The following HGFAC variants were observed in gnomAD, a reference collection of about 807,000 sequenced individuals.
HGFAC encodes the protein HGF activator, also known as hepatocyte growth factor activator serine protease.
Under a neutral mutation model 70.6 loss-of-function variants are expected in HGFAC, and 76 were observed. The ratio of observed to expected loss-of-function variants is 1.08; its 90% CI spans 0.89 to 1.30. The LOEUF is 1.30. Ranked by LOEUF, HGFAC falls within the 50% of genes most tolerant of loss-of-function variation. The pLI is 0.00. For missense variants in HGFAC, 1,044 were observed against 933.7 expected (o/e 1.12, Z -1.54); for synonymous variants, 464 against 405.3 (o/e 1.14, Z -1.74).
At chr4:3,445,570 GCCTCGGGGT>G (rs1381676111) in intron 9 of HGFAC, 31 of 606,410 alleles carry the variant, frequency 5.1e-5, no homozygotes, top group Non-Finnish European at 8.8e-5. Context: ...CCAGGCGACG[GCCTCGGGGT>G]GGCACCTGCC....
Position 3,443,127 on chromosome 4 carries a change from G to A in HGFAC, c.376G>A (p.Gly126Ser), listed in dbSNP as rs758358291. The change falls in exon 3 of 14, where the codon GGC becomes AGC. Residue 126 changes from glycine (G) to serine (S), a missense_variant. Gly to Ser is a moderately conservative substitution (Grantham distance 56). Transcript: ENST00000382774. ...GRMLHACTSE[G>S]SAHRKWCATT... is the part of the protein sequence containing the mutation. ...CATGCTGCATGCCTGCACTTCGGAG[G>A]GCAGTGCACACAGGAAGTGGTGGGT... The A allele has an allele frequency of 4.8e-5, 75 of 1,574,442 alleles. 1 individual carries two copies. The South Asian group carries it at 8.5e-4, about 18-fold the overall frequency.
Position 3,444,694 on chromosome 4 carries a change from G to A in HGFAC, c.802G>A (p.Ala268Thr). Residue 268 changes from alanine to threonine, a missense_variant, in exon 7 of 14, where the codon GCC becomes ACC. By Grantham distance (58) the Ala-to-Thr change is moderately conservative. Coordinates refer to ENST00000382774, the MANE Select transcript of HGFAC (RefSeq NM_001528.4). ...CGTGGCCACCGGGACCACCGTGTGTGCCTGCCCACCAGGCTTCGCTGGACG... is the reference window on the plus strand; with the variant it reads ...CGTGGCCACCGGGACCACCGTGTGTACCTGCCCACCAGGCTTCGCTGGACG... ...LIVATGTTVC[A>T]CPPGFAGRLC... The A allele has an allele frequency of 6.3e-7, 1 of 1,597,502 alleles. No homozygotes were observed. The highest frequency in any genetic ancestry group is 8.5e-7 in the Non-Finnish European group (1 of 1,178,472).
In HGFAC at chr4:3,442,611, G is replaced by C. The variant is rs765314792; in HGVS notation, c.118-121G>C. ...CTCAGGAATGTCGTGTGTCCTCCTG[G>C]AACCTGCTCCGAGATCTGGGGGCCC... On this transcript the variant is annotated intron_variant, in intron 1 of 13. Transcript: ENST00000382774. 168 of 629,534 alleles carry C rather than the reference G, an allele frequency of 2.7e-4. 1 individual carries two copies. Among genetic ancestry groups the C allele is most frequent in the Non-Finnish European group, 3.9e-4 (150 of 383,380 alleles). 39.0% of individuals were successfully genotyped at this position (629,534 alleles called of 1,614,324 possible).
rs147311320 is a variant in HGFAC, at chr4:3,447,558, G to A, written c.1422G>A (p.Thr474=). ...QHFFNRTTDV[T]QTFGIEKYIP... is the part of the protein sequence containing the mutation. Reference sequence around the variant, plus strand: ...TCTTCAACCGCACGACGGACGTGACGCAGACCTTCGGCATCGAGAAGTACA... The same window carrying A: ...TCTTCAACCGCACGACGGACGTGACACAGACCTTCGGCATCGAGAAGTACA... The change falls in exon 11 of 14, where the codon ACG becomes ACA. Residue 474 remains threonine (T), a synonymous_variant. Transcript: ENST00000382774. 4.3e-6 allele frequency: 7 copies of A among 1,612,548 alleles called. No homozygotes were observed. In the African/African-American group the frequency reaches 5.3e-5, roughly 12 times the overall value.
intron 13 of HGFAC, 50 bp from the exon 14 acceptor site, chr4:3,449,187 C>A: frequency 1.9e-6 from 3 of 1,548,104 alleles, no homozygotes; most frequent in Non-Finnish European, 2.6e-6. Context: ...AGAGGGGGGT[C>A]CCTGAACCAG....
intron 10 of HGFAC, 145 bp downstream of exon 10, chr4:3,446,439 C>G: frequency 9.8e-7 from 1 of 1,020,346 alleles, no homozygotes; most frequent in Non-Finnish European, 1.4e-6. Flanking sequence ...CCCTCTCTGA[C>G]CCCTCTGGGT....
At position 3,447,500 on chromosome 4, in the gene HGFAC, G is replaced by T; in HGVS notation, c.1364G>T (p.Arg455Met). 1.2e-6 allele frequency: 2 copies of T among 1,612,582 alleles called. No individual in the cohort carries two copies. Among genetic ancestry groups the T allele is most frequent in the South Asian group, 1.1e-5 (1 of 91,058 alleles). ...AAHCFSHSPP[R>M]DSVSVVLGQH... Reference sequence around the variant, plus strand: ...CAGCCCCCCTTGCACAGCCCCCCCAGGGACAGCGTCTCCGTGGTGCTGGGC... The same window carrying T: ...CAGCCCCCCTTGCACAGCCCCCCCATGGACAGCGTCTCCGTGGTGCTGGGC... Residue 455 changes from arginine (R) to methionine (M), a missense_variant, in exon 11 of 14, where the codon AGG becomes ATG. Physicochemically the swap from Arg to Met is moderately conservative, Grantham distance 91. Coordinates refer to ENST00000382774, the MANE Select transcript of HGFAC (RefSeq NM_001528.4).
chr4:3,443,703 G>C (rs1488576127), intron 4 of HGFAC, among the ~76,000 whole-genome samples: 1 of 152,152 alleles, frequency 6.6e-6, no homozygotes, highest in Non-Finnish European at 1.5e-5. Context: ...GGGGACAGGT[G>C]GGCAGGGTCT....
intron 9 of HGFAC, chr4:3,445,727 A>C: frequency 1.3e-6 from 1 of 773,156 alleles, no homozygotes. Flanking sequence ...CGGCGGGGCC[A>C]GCCCGGGGCT....
In HGFAC at chr4:3,447,926, C is replaced by G. The variant is rs763158231; in HGVS notation, c.1527C>G (p.Arg509=). The G allele has an allele frequency of 8.6e-5, 138 of 1,609,594 alleles. No homozygotes were observed. Among genetic ancestry groups the G allele is most frequent in the Middle Eastern group, 6.6e-4 (4 of 6,056 alleles). Residue 509 remains arginine, a synonymous_variant, in exon 12 of 14, where the codon CGC becomes CGG. Coordinates refer to ENST00000382774, the MANE Select transcript of HGFAC (RefSeq NM_001528.4). ...TCCGGCTGAAGAAGAAAGGGGACCGCTGTGCCACACGCTCGCAGTTCGTGC... is the reference window on the plus strand; with the variant it reads ...TCCGGCTGAAGAAGAAAGGGGACCGGTGTGCCACACGCTCGCAGTTCGTGC... ...VLIRLKKKGD[R]CATRSQFVQP... is the part of the protein sequence containing the mutation.
rs760120416 is a variant in HGFAC, at chr4:3,442,056, T to TTCCTCC, written c.66_71dup (p.Leu28_Leu29dup). The TTCCTCC allele has an allele frequency of 6.5e-7, 1 of 1,544,612 alleles. No homozygotes were observed. The highest frequency in any genetic ancestry group is 2.1e-5 in the Admixed American group (1 of 48,296). ...CTGGCCCCCACCGGGGCTGGGCCCCTTCCTCCTCCTCCTCCTGCTGCTGCT... is the reference window on the plus strand; with the variant it reads ...CTGGCCCCCACCGGGGCTGGGCCCCTTCCTCCTCCTCCTCCTCCTCCTGCTGCTGCT... On this transcript the variant is annotated inframe_insertion, in exon 1 of 14. Coordinates refer to ENST00000382774, the MANE Select transcript of HGFAC (RefSeq NM_001528.4).
At chr4:3,445,686 TG>T in intron 9 of HGFAC, 1 of 624,816 alleles carries the variant, frequency 1.6e-6, no homozygotes. Flanking sequence ...CTTCCTGCCC[TG>T]GGGAGAGGCC....
intron 8 of HGFAC, 87 bp from the exon 9 acceptor site, chr4:3,445,178 G>A (rs944235487): frequency 4.5e-6 from 6 of 1,331,438 alleles, no homozygotes; most frequent in South Asian, 2.5e-5. Context: ...GCGGGGAACC[G>A]CCCTGCTGGG....
Position 3,442,806 on chromosome 4 carries a change from C to A in HGFAC, c.192C>A (p.Thr64=), listed in dbSNP as rs1431185146. The change falls in exon 2 of 14, where the codon ACC becomes ACA. Residue 64 remains threonine (T), a synonymous_variant. Coordinates refer to ENST00000382774, the MANE Select transcript of HGFAC (RefSeq NM_001528.4). The part of the protein sequence containing the change: ...AIPTILVTSV[T]SETPATSAPE... ...CCACTATCCTGGTGACCTCTGTGACCTCTGAGACCCCAGCAACAAGTGCTC... is the reference window on the plus strand; with the variant it reads ...CCACTATCCTGGTGACCTCTGTGACATCTGAGACCCCAGCAACAAGTGCTC... The A allele has an allele frequency of 3.1e-6, 5 of 1,589,362 alleles. No individual in the cohort carries two copies. Among genetic ancestry groups the A allele is most frequent in the Non-Finnish European group, 4.3e-6 (5 of 1,169,674 alleles).
intron 10 of HGFAC, among the ~76,000 whole-genome samples, chr4:3,447,056 T>G (rs1419413877): frequency 6.6e-6 from 1 of 152,170 alleles, no homozygotes; most frequent in Non-Finnish European, 1.5e-5. Context: ...ACACAGCAGA[T>G]GGGAGCCAGG....
chr4:3,449,227 C>T lies in HGFAC; in HGVS notation c.1786-10C>T. 6.2e-7 allele frequency: 1 copy of T among 1,608,436 alleles called. No individual in the cohort carries two copies. The highest frequency in any genetic ancestry group is 8.5e-7 in the Non-Finnish European group (1 of 1,177,370). ...CTGGGAGGGTGGCTCTGACCAACGTCTCTGCCCAGGGGGACTCAGGGGGGC... is the reference window on the plus strand; with the variant it reads ...CTGGGAGGGTGGCTCTGACCAACGTTTCTGCCCAGGGGGACTCAGGGGGGC... On this transcript the variant is annotated splice_polypyrimidine_tract_variant and intron_variant, in intron 13 of 13. Transcript: ENST00000382774.
At chr4:3,443,944 T>G in intron 4 of HGFAC, 95 bp from the exon 5 acceptor site, 1 of 1,372,582 alleles carries the variant, frequency 7.3e-7, no homozygotes. Flanking sequence ...AGCCCCTCAC[T>G]GGGGCCTGAT....
upstream of HGFAC, chr4:3,441,738 C>G (rs1211117123): frequency 1.0e-5 from 4 of 398,730 alleles, no homozygotes; most frequent in Non-Finnish European, 1.8e-5. This position sits in a 1 kb window ranked among gnomAD's most constrained non-coding sequence, Gnocchi z 6.0. Flanking sequence ...GAGGAGGCTT[C>G]TAAGCTGAGG....
At chr4:3,443,920 C>A in intron 4 of HGFAC, 119 bp from the exon 5 acceptor site, 1 of 1,122,378 alleles carries the variant, frequency 8.9e-7, no homozygotes, top group Non-Finnish European at 1.3e-6. Flanking sequence ...TAGAGAGGGC[C>A]CCTTTGCTCT....
Sources: allele counts gnomAD v4.1 joint callset (sites outside exome capture counted in the v4.1 genomes callset), GRCh38; gene constraint gnomAD v4.1.1; non-coding constraint Gnocchi (gnomAD v3.1); transcripts MANE v1.5; gene names NCBI Gene and HGNC (gene_info 2026-07-23, HGNC 2026-07-21).